GPHN: variants seen among roughly 807,000 people sequenced by gnomAD.
GPHN encodes the protein gephyrin.
GPHN carries 17 observed loss-of-function variants against 95.5 expected under a neutral mutation model. The observed-to-expected ratio is 0.18, with a 90% CI of 0.12 to 0.27. The LOEUF is 0.27. GPHN is among the 10% of genes least tolerant of loss of function. GPHN has a pLI of 1.00. For synonymous variants in GPHN, 320 were observed against 322.5 expected (o/e 0.99, Z 0.08); for missense variants, 660 against 978.1 (o/e 0.67, Z 4.34).
intron 4 of GPHN, among the ~76,000 whole-genome samples, chr14:66,834,964 T>A (rs1221598825): frequency 4.5e-4 from 64 of 143,282 alleles, no homozygotes; most frequent in African/African-American, 1.5e-3. Flanking sequence ...AGATTCAACT[T>A]CTTCCTGGTT....
chr14:67,671,098 A>C, the GPHN span, among the ~76,000 whole-genome samples: 1 of 152,248 alleles, frequency 6.6e-6, no homozygotes, highest in Non-Finnish European at 1.5e-5. Context: ...CAATTTATTC[A>C]ACAAACATTT....
intron 17 of GPHN, 57 bp downstream of exon 17, chr14:67,122,434 A>G: frequency 1.3e-6 from 2 of 1,486,530 alleles, no homozygotes; most frequent in Non-Finnish European, 1.9e-6. Context: ...AGTTTTTGGA[A>G]TACTCATTAG....
chr14:67,086,465 C>G (rs1289846218), intron 11 of GPHN, among the ~76,000 whole-genome samples: 1 of 151,434 alleles, frequency 6.6e-6, no homozygotes, highest in Non-Finnish European at 1.5e-5. Context: ...TCCTGGCTAA[C>G]ACGGTGAAAC....
At chr14:67,092,108 G>T (rs1456815074) in intron 12 of GPHN, among the ~76,000 whole-genome samples, 1 of 152,040 alleles carries the variant, frequency 6.6e-6, no homozygotes, top group Non-Finnish European at 1.5e-5. Flanking sequence ...AAGTGGCATG[G>T]TCTTAGAACT....
At chr14:67,319,623 A>T in the GPHN span, among the ~76,000 whole-genome samples, 1 of 152,164 alleles carries the variant, frequency 6.6e-6, no homozygotes, top group African/African-American at 2.4e-5. Flanking sequence ...AAAAAAAAAA[A>T]AAAAAATTGC....
chr14:66,893,564 A>G (rs2064647572), intron 5 of GPHN, among the ~76,000 whole-genome samples: 1 of 152,192 alleles, frequency 6.6e-6, no homozygotes, highest in Admixed American at 6.5e-5. Context: ...GAAAAGAGGA[A>G]GTCAAATTGT....
At chr14:66,526,707 G>C (rs2058706146) in intron 1 of GPHN, among the ~76,000 whole-genome samples, 1 of 152,092 alleles carries the variant, frequency 6.6e-6, no homozygotes, top group African/African-American at 2.4e-5. Flanking sequence ...TTTTGTCGAA[G>C]GCCTTTTCTG....
chr14:66,958,702 T>C (rs1245646022), intron 8 of GPHN, among the ~76,000 whole-genome samples: 1 of 152,186 alleles, frequency 6.6e-6, no homozygotes, highest in East Asian at 1.9e-4. Context: ...TATAATATTA[T>C]GGGACCACTG....
the GPHN span, chr14:67,225,140 T>C: frequency 1.3e-6 from 2 of 1,585,088 alleles, no homozygotes; most frequent in Non-Finnish European, 1.7e-6. Flanking sequence ...ATATCAAATC[T>C]CCTTCTAATT....
intron 2 of GPHN, among the ~76,000 whole-genome samples, chr14:66,768,249 A>G (rs2059036056): frequency 6.6e-6 from 1 of 151,956 alleles, no homozygotes; most frequent in South Asian, 2.1e-4. Flanking sequence ...GCAAAATAAC[A>G]TCAATATAAA....
intron 2 of GPHN, among the ~76,000 whole-genome samples, chr14:66,769,815 T>C (rs1200212717): frequency 1.3e-5 from 2 of 152,172 alleles, no homozygotes; most frequent in African/African-American, 2.4e-5. Context: ...CTTTATGATA[T>C]AACGATTTAT....
chr14:66,508,951 C>G (rs1401861891), intron 1 of GPHN: 2 of 351,294 alleles, frequency 5.7e-6, no homozygotes, highest in African/African-American at 4.3e-5. Context: ...ATGCCGCTCT[C>G]GGCTGGCCTG....
chr14:67,294,516 G>C, the GPHN span: 1 of 151,782 alleles, frequency 6.6e-6, no homozygotes, highest in Non-Finnish European at 1.5e-5. Context: ...GAAACATTCA[G>C]AAGTATTCTT....
the GPHN span, chr14:67,600,244 T>TGCACC: frequency 6.7e-7 from 1 of 1,490,932 alleles, no homozygotes; most frequent in South Asian, 1.3e-5. Context: ...GGCGCTGCAC[T>TGCACC]GCGCTCGCCG....
the GPHN span, among the ~76,000 whole-genome samples, chr14:67,377,617 C>T: frequency 6.6e-6 from 1 of 152,216 alleles, no homozygotes; most frequent in Non-Finnish European, 1.5e-5. Flanking sequence ...TGCTCTCAAA[C>T]TAGTCTTGCC....
At chr14:67,586,463 G>GC in the GPHN span, 16 of 1,263,822 alleles carry the variant, frequency 1.3e-5, no homozygotes, top group Non-Finnish European at 1.7e-5. Flanking sequence ...TAAGGTGCTC[G>GC]CATGTTACCC....
At chr14:67,024,342 G>A (rs541143288) in intron 10 of GPHN, among the ~76,000 whole-genome samples, 5 of 152,218 alleles carry the variant, frequency 3.3e-5, no homozygotes, top group Admixed American at 2.6e-4. Context: ...TAAGAAAAAA[G>A]TGCTATATAA....
At chr14:67,446,022 G>A in the GPHN span, 1 of 517,462 alleles carries the variant, frequency 1.9e-6, no homozygotes, top group Non-Finnish European at 3.9e-6. Flanking sequence ...CAGATCTTTT[G>A]TTCATTTTAA....
the GPHN span, among the ~76,000 whole-genome samples, chr14:67,550,603 G>C: frequency 6.6e-6 from 1 of 152,198 alleles, no homozygotes; most frequent in Non-Finnish European, 1.5e-5. Flanking sequence ...GAGAGTGAGA[G>C]GTTCTAGGAA....
Sources: allele counts gnomAD v4.1 joint callset (sites outside exome capture counted in the v4.1 genomes callset), GRCh38; gene constraint gnomAD v4.1.1; transcripts MANE v1.5; gene names NCBI Gene and HGNC (gene_info 2026-07-23, HGNC 2026-07-21).